TNKS: variants seen among roughly 807,000 people sequenced by gnomAD.
TNKS encodes the protein tankyrase, also known as poly [ADP-ribose] polymerase tankyrase-1.
A neutral mutation model predicts 135.8 loss-of-function variants in TNKS; 72 were observed. The observed-to-expected ratio is 0.53, with a 90% CI of 0.44 to 0.64. The LOEUF (loss-of-function observed/expected upper bound fraction) is 0.64, where lower values mean the gene tolerates loss of function less well. TNKS is among the 30% of genes least tolerant of loss of function. TNKS has a pLI of 0.00. For missense variants in TNKS, 1,769 were observed against 1,674.0 expected, an observed-to-expected ratio of 1.06 and a Z score of -0.99; for synonymous variants, 849 against 649.3, an observed-to-expected ratio of 1.31 and a Z score of -4.68.
intron 3 of TNKS, among the ~76,000 whole-genome samples, chr8:9,645,114 G>A (rs961036189): frequency 9.9e-5 from 15 of 151,998 alleles, no homozygotes; most frequent in South Asian, 4.2e-4. Flanking sequence ...CAAGACAGGC[G>A]TAAGTCACCT....
chr8:9,771,693 GA>G, intron 26 of TNKS, among the ~76,000 whole-genome samples: 1 of 130,876 alleles, frequency 7.6e-6, no homozygotes, highest in African/African-American at 3.1e-5. Flanking sequence ...GAGAGAGAGA[GA>G]GAGAGGAAGG....
intron 2 of TNKS, among the ~76,000 whole-genome samples, chr8:9,592,238 A>G (rs1444042570): frequency 1.3e-5 from 2 of 152,150 alleles, no homozygotes; most frequent in Non-Finnish European, 2.9e-5. Flanking sequence ...TTAATTCCCA[A>G]TACTTAAATT....
chr8:9,705,625 G>C (rs1205922227), intron 6 of TNKS, among the ~76,000 whole-genome samples: 1 of 152,178 alleles, frequency 6.6e-6, no homozygotes, highest in African/African-American at 2.4e-5. Context: ...TATGTGAATG[G>C]TGTCCCAGTA....
chr8:9,674,041 C>T (rs1191432148), intron 3 of TNKS, among the ~76,000 whole-genome samples: 2 of 152,162 alleles, frequency 1.3e-5, no homozygotes, highest in African/African-American at 4.8e-5. Flanking sequence ...TAACTGCTTA[C>T]TCTACAATTT....
intron 12 of TNKS, 146 bp downstream of exon 12, chr8:9,720,691 C>A (rs1430302892): frequency 5.4e-6 from 5 of 933,318 alleles, no homozygotes; most frequent in Non-Finnish European, 6.2e-6. Context: ...CCCCATCTCC[C>A]TTTTTTGGTA....
In TNKS at chr8:9,735,031, A is replaced by T. The variant is rs776595042; in HGVS notation, c.2480A>T (p.Asn827Ile). Residue 827 changes from asparagine to isoleucine, a missense_variant, in exon 16 of 27, where the codon AAT becomes ATT. Transcript: ENST00000310430. The stretch of plus-strand genomic sequence containing the variant: ...GTGCAGAAGCTCTGTACCCCAGAGA[A>T]TATCAACTGCAGAGACACCCAGGGC... The part of the protein sequence containing the change: ...ARVQKLCTPE[N>I]INCRDTQGRN... 2 of 1,614,078 alleles carry T rather than the reference A, an allele frequency of 1.2e-6. No homozygotes were observed. Among genetic ancestry groups the T allele is most frequent in the African/African-American group, 2.7e-5 (2 of 74,934 alleles).
At chr8:9,584,975 A>G (rs891954776) in intron 2 of TNKS, among the ~76,000 whole-genome samples, 7 of 152,308 alleles carry the variant, frequency 4.6e-5, no homozygotes, top group African/African-American at 1.7e-4. Flanking sequence ...CAAGTGAAAA[A>G]TAACAGCCCA....
intron 9 of TNKS, 35 bp from the exon 10 acceptor site, chr8:9,709,920 T>C (rs778702226): frequency 1.3e-6 from 2 of 1,516,264 alleles, no homozygotes; most frequent in Non-Finnish European, 1.8e-6. Flanking sequence ...CATATGGAAG[T>C]GTATTTTATT....
chr8:9,713,729 C>T (rs1166198596), intron 11 of TNKS, among the ~76,000 whole-genome samples: 20 of 152,186 alleles, frequency 1.3e-4, no homozygotes, highest in Non-Finnish European at 1.5e-5. Context: ...CGTAGCAACT[C>T]CTATTTACCC....
chr8:9,770,721 C>T (rs1196075428), intron 26 of TNKS, among the ~76,000 whole-genome samples: 1 of 152,210 alleles, frequency 6.6e-6, no homozygotes, highest in Admixed American at 6.5e-5. Flanking sequence ...AAGGAAATAA[C>T]TAAATATATA....
At chr8:9,568,601 A>G (rs188628623) in intron 1 of TNKS, among the ~76,000 whole-genome samples, 2 of 152,322 alleles carry the variant, frequency 1.3e-5, no homozygotes, top group Admixed American at 1.3e-4. Flanking sequence ...AAATAATGAG[A>G]AGCAGCATTA....
chr8:9,585,950 C>T (rs532154703), intron 2 of TNKS, among the ~76,000 whole-genome samples: 32 of 152,244 alleles, frequency 2.1e-4, no homozygotes, highest in Non-Finnish European at 4.1e-4. Context: ...GAGTTGTTTA[C>T]TTCTTTCAGC....
At chr8:9,750,353 A>G (rs11249943) in intron 18 of TNKS, among the ~76,000 whole-genome samples, 1 of 152,044 alleles carries the variant, frequency 6.6e-6, no homozygotes, top group African/African-American at 2.4e-5. Context: ...ACATTTCCTT[A>G]AAGAGAACTG....
chr8:9,729,771 C>CTTTTTTTTTTTTTTTTTTTTT (rs763357075), intron 13 of TNKS, among the ~76,000 whole-genome samples: 1 of 95,016 alleles, frequency 1.1e-5, no homozygotes, highest in Non-Finnish European at 1.9e-5. Flanking sequence ...ATATGATATT[C>CTTTTTTTTTTTTTTTTTTTTT]TTTTTTTTTT....
At chr8:9,658,209 C>T (rs1801511745) in intron 3 of TNKS, 1 of 307,084 alleles carries the variant, frequency 3.3e-6, no homozygotes. Context: ...GGCGGCCAGG[C>T]AGAGACGCTC....
intron 5 of TNKS, among the ~76,000 whole-genome samples, chr8:9,688,242 CA>C (rs1213518279): frequency 5.9e-5 from 9 of 152,056 alleles, no homozygotes; most frequent in Admixed American, 2.6e-4. Flanking sequence ...GAGTATTCTA[CA>C]AAAAGTTATT....
chr8:9,639,861 T>C (rs1484164712), intron 3 of TNKS, among the ~76,000 whole-genome samples: 1 of 152,214 alleles, frequency 6.6e-6, no homozygotes, highest in East Asian at 1.9e-4. Context: ...AAAACACATA[T>C]ATTTCTACAT....
In TNKS at chr8:9,575,100, C is replaced by T. The variant is rs566296763; in HGVS notation, c.674-5059C>T. 6 of 982,976 alleles carry T rather than the reference C, an allele frequency of 6.1e-6. No individual in the cohort carries two copies. In the East Asian group the frequency reaches 6.8e-4, roughly 112 times the overall value. The allele number at this position is 982,976 out of a possible 1,614,324, so 60.9% of individuals were successfully genotyped here. On this transcript the variant is annotated intron_variant, in intron 1 of 26. Transcript: ENST00000310430. Reference sequence around the variant, plus strand: ...AATCTCTCCATTATCTTTTTATTTTCTTTTGACACGGAGTCTCGCTCTGTT... The same window carrying T: ...AATCTCTCCATTATCTTTTTATTTTTTTTTGACACGGAGTCTCGCTCTGTT...
chr8:9,762,804 C>G (rs916723816), intron 21 of TNKS, among the ~76,000 whole-genome samples: 3 of 150,842 alleles, frequency 2.0e-5, no homozygotes, highest in Non-Finnish European at 4.4e-5. Context: ...ACTAGGGAGG[C>G]TGAGGCAGGA....
Sources: gnomAD v4.1 joint callset for allele counts (sites outside exome capture counted in the v4.1 genomes callset) on GRCh38, gnomAD v4.1.1 for gene constraint, MANE v1.5 for transcripts, NCBI Gene and HGNC (gene_info 2026-07-23, HGNC 2026-07-21) for gene names.